Variants in EDEM3 observed in about 807,000 individuals in gnomAD.
EDEM3 encodes the protein ER degradation-enhancing alpha-mannosidase-like protein 3.
EDEM3 carries 60 observed loss-of-function variants against 110.2 expected under a neutral mutation model. That is an observed-to-expected ratio of 0.54 (90% CI 0.44 to 0.67). The LOEUF (loss-of-function observed/expected upper bound fraction) is 0.67. Among genes scored for constraint, EDEM3 ranks in the 30% least tolerant of loss-of-function variants. The probability of loss-of-function intolerance (pLI) is 0.00; values close to 1 mark genes in which losing one functional copy is unlikely to be tolerated. For missense variants in EDEM3, 996 were observed against 1,121.0 expected (o/e 0.89, Z 1.59); for synonymous variants, 352 against 382.9 (o/e 0.92, Z 0.94).
chr1:184,712,626 A>G, intron 13 of EDEM3, 28 bp from the exon 14 acceptor site: 1 of 1,416,934 alleles, frequency 7.1e-7, no homozygotes, highest in South Asian at 1.3e-5. Flanking sequence ...AAATAAATAT[A>G]AGTAGATAAA....
At position 184,692,681 on chromosome 1, in the gene EDEM3, A is replaced by T. The variant is rs1649112751; in HGVS notation, c.*1382T>A. On this transcript the variant is annotated 3_prime_UTR_variant, in exon 20 of 20. Transcript: ENST00000318130. ...TTTAAAAAATAAATAAAATGAATAA[A>T]GCCATGATTTCAACAACAGGGCTGT... is the stretch of plus-strand genomic sequence containing the variant. The T allele has an allele frequency of 1.3e-5, 2 of 151,828 alleles. No individual in the cohort carries two copies. Among genetic ancestry groups the T allele is most frequent in the South Asian group, 4.1e-4 (2 of 4,820 alleles). The allele number at this position is 151,828 out of a possible 1,614,324, so 9.4% of individuals were successfully genotyped here.
chr1:184,691,976 A>T lies in EDEM3; in HGVS notation c.*2087T>A, dbSNP rs1649083145. On this transcript the variant is annotated 3_prime_UTR_variant, in exon 20 of 20. Coordinates refer to ENST00000318130, the MANE Select transcript of EDEM3 (RefSeq NM_025191.4). ...AATGTGTCACACAATCCTTCATGCC[A>T]TTAAGTTCTCCTTGTTGGAAAAGAA... is the stretch of plus-strand genomic sequence containing the variant. 1 of 152,138 alleles carries T rather than the reference A, an allele frequency of 6.6e-6. No individual in the cohort carries two copies. The highest frequency in any genetic ancestry group is 1.5e-5 in the Non-Finnish European group (1 of 68,006). 9.4% of individuals were successfully genotyped at this position (152,138 alleles called of 1,614,324 possible). A position where few individuals can be genotyped will look rare whatever the true frequency, so the allele number is the denominator to read the frequency against.
chr1:184,719,486 C>T lies in EDEM3; in HGVS notation c.1034G>A (p.Arg345Gln), dbSNP rs745829552. ...GGCAAGCAAAGCATCCATCCAAGTC[C>T]GAGCATTCAGCATTGGTTTGTGGAT... ...VHIHKPMLNARTWMDALLAFF... is the reference protein window; with the variant it reads ...VHIHKPMLNAQTWMDALLAFF... The change falls in exon 10 of 20, where the codon CGG becomes CAG. Residue 345 changes from arginine (R) to glutamine (Q), a missense_variant. Physicochemically the swap from Arg to Gln is conservative, Grantham distance 43 (BLOSUM62 1). Coordinates refer to ENST00000318130, the MANE Select transcript of EDEM3 (RefSeq NM_025191.4). The T allele has an allele frequency of 1.1e-5, 17 of 1,613,816 alleles. No individual in the cohort carries two copies. Among genetic ancestry groups the T allele is most frequent in the East Asian group, 2.2e-5 (1 of 44,844 alleles).
At chr1:184,750,805 G>A (rs965353837) in intron 1 of EDEM3, among the ~76,000 whole-genome samples, 1 of 152,064 alleles carries the variant, frequency 6.6e-6, no homozygotes, top group South Asian at 2.1e-4. Context: ...GAGTTACCAC[G>A]CCCGGCCTAT....
intron 12 of EDEM3, 66 bp from the exon 13 acceptor site, chr1:184,717,078 A>G (rs1022795190): frequency 4.4e-6 from 6 of 1,349,546 alleles, no homozygotes; most frequent in African/African-American, 1.5e-5. Flanking sequence ...CCATTCATTT[A>G]CCAAATATTT....
intron 2 of EDEM3, among the ~76,000 whole-genome samples, chr1:184,745,179 T>C (rs1652360800): frequency 2.0e-5 from 3 of 152,144 alleles, no homozygotes; most frequent in African/African-American, 7.2e-5. Flanking sequence ...TAAAATTCTA[T>C]GTAGAGTATC....
rs1649056565 is a variant in EDEM3, at chr1:184,691,383, T to C, written c.*2680A>G. ...ACTTGAAAATACCTGAATTAAATAC[T>C]TGCTCTAATATCTCTTAAAGGATTT... On this transcript the variant is annotated 3_prime_UTR_variant, in exon 20 of 20. Transcript: ENST00000318130. 6.6e-6 allele frequency: 1 copy of C among 152,546 alleles called. No homozygotes were observed. The highest frequency in any genetic ancestry group is 2.4e-5 in the African/African-American group (1 of 41,452). 9.4% of individuals were successfully genotyped at this position (152,546 alleles called of 1,614,324 possible). A position where few individuals can be genotyped will look rare whatever the true frequency, so the allele number is the denominator to read the frequency against.
At chr1:184,709,497 T>C (rs1650109237) in intron 16 of EDEM3, among the ~76,000 whole-genome samples, 1 of 152,220 alleles carries the variant, frequency 6.6e-6, no homozygotes, top group Non-Finnish European at 1.5e-5. Flanking sequence ...AAGAACTTTG[T>C]TTCTGAAATA....
chr1:184,710,680 G>A, intron 15 of EDEM3, 133 bp from the exon 16 acceptor site: 2 of 1,045,658 alleles, frequency 1.9e-6, no homozygotes, highest in South Asian at 1.8e-5. Flanking sequence ...TAACTAGAAA[G>A]TATTTTCTTA....
At position 184,748,921 on chromosome 1, in the gene EDEM3, T is replaced by G. The variant is rs144635762; in HGVS notation, c.204+626A>C. Among the ~76,000 whole-genome samples the G allele has an allele frequency of 1.7e-3, 266 of 152,346 alleles. 2 individuals are homozygous for G. The East Asian group carries it at 0.02, about 11-fold the overall frequency. On this transcript the variant is annotated intron_variant, in intron 2 of 19. Transcript: ENST00000318130. ...TTTCAGGATAATATGCTTAAACTCT[T>G]TTCAAATTACAATTTATGTGCAAAA...
At position 184,690,811 on chromosome 1, in the gene EDEM3, T is replaced by C. The variant is rs558815009; in HGVS notation, c.*3252A>G. The C allele has an allele frequency of 4.2e-4, 64 of 152,694 alleles. No homozygotes were observed. The highest frequency in any genetic ancestry group is 1.9e-4 in the East Asian group (1 of 5,178). 9.5% of individuals were successfully genotyped at this position (152,694 alleles called of 1,614,324 possible). A position where few individuals can be genotyped will look rare whatever the true frequency, so the allele number is the denominator to read the frequency against. ...TTTCATTCACAGAATGTTTTTTTTTTCTATGTTCTGACTGAAGCCTTGTGC... is the reference window on the plus strand; with the variant it reads ...TTTCATTCACAGAATGTTTTTTTTTCCTATGTTCTGACTGAAGCCTTGTGC... On this transcript the variant is annotated 3_prime_UTR_variant, in exon 20 of 20. Coordinates refer to ENST00000318130, the MANE Select transcript of EDEM3 (RefSeq NM_025191.4).
chr1:184,718,358 T>G (rs2102083758), intron 11 of EDEM3, among the ~76,000 whole-genome samples: 1 of 152,172 alleles, frequency 6.6e-6, no homozygotes, highest in South Asian at 2.1e-4. Flanking sequence ...AAATAAAAAT[T>G]TCATTTGTGA....
chr1:184,703,486 CT>C (rs1649742095), intron 18 of EDEM3, among the ~76,000 whole-genome samples: 1 of 152,130 alleles, frequency 6.6e-6, no homozygotes, highest in African/African-American at 2.4e-5. Context: ...ATGGACATTT[CT>C]TTTTTATATA....
chr1:184,745,080 A>C (rs1652354840), intron 2 of EDEM3, among the ~76,000 whole-genome samples: 2 of 152,114 alleles, frequency 1.3e-5, no homozygotes, highest in South Asian at 4.1e-4. Context: ...AATTGTCAAA[A>C]AAGAATTGTG....
Position 184,749,451 on chromosome 1 carries a change from TG to T in EDEM3, c.204+95del, listed in dbSNP as rs1367952913. The T allele has an allele frequency of 1.9e-5, 19 of 979,114 alleles. No homozygotes were observed. The Middle Eastern group carries it at 1.1e-3, about 56-fold the overall frequency. The allele number at this position is 979,114 out of a possible 1,614,324, so 60.7% of individuals were successfully genotyped here. On this transcript the variant is annotated intron_variant, in intron 2 of 19. Transcript: ENST00000318130. Reference sequence around the variant, plus strand: ...TTTTTAAAAACTTCCTTTTAAAAAATGTAATTGTATTGTAGGTTTCAAAATT... The same window carrying T: ...TTTTTAAAAACTTCCTTTTAAAAAATTAATTGTATTGTAGGTTTCAAAATT...
chr1:184,751,520 T>C (rs961493465), intron 1 of EDEM3, among the ~76,000 whole-genome samples: 3 of 152,238 alleles, frequency 2.0e-5, no homozygotes, highest in African/African-American at 7.2e-5. Context: ...ATGCAGCATA[T>C]GATGAGCAAA....
intron 2 of EDEM3, among the ~76,000 whole-genome samples, chr1:184,748,831 T>C (rs958068965): frequency 3.9e-5 from 6 of 152,218 alleles, no homozygotes; most frequent in African/African-American, 1.4e-4. Flanking sequence ...TTTTATACGT[T>C]GTAATCATAG....
intron 5 of EDEM3, among the ~76,000 whole-genome samples, chr1:184,733,751 C>G (rs1446245587): frequency 6.6e-6 from 1 of 151,042 alleles, no homozygotes; most frequent in Non-Finnish European, 1.5e-5. Flanking sequence ...TCACTTGAAC[C>G]AGGGAGTCAG....
rs1177747408 is a variant in EDEM3, at chr1:184,732,997, TCA to T, written c.459-9_459-8del. ...GTGCCCACCCAAAAGACCCCTAGGATCACAGAGATGAAACATTATCCATATCT... is the reference window on the plus strand; with the variant it reads ...GTGCCCACCCAAAAGACCCCTAGGATCAGAGATGAAACATTATCCATATCT... On this transcript the variant is annotated splice_polypyrimidine_tract_variant and splice_region_variant and intron_variant, in intron 5 of 19. Coordinates refer to ENST00000318130, the MANE Select transcript of EDEM3 (RefSeq NM_025191.4). The T allele has an allele frequency of 6.2e-7, 1 of 1,612,394 alleles. No homozygotes were observed. The highest frequency in any genetic ancestry group is 8.5e-7 in the Non-Finnish European group (1 of 1,179,200).
Sources: gnomAD v4.1 joint callset for allele counts (sites outside exome capture counted in the v4.1 genomes callset) on GRCh38, gnomAD v4.1.1 for gene constraint, MANE v1.5 for transcripts, NCBI Gene and HGNC (gene_info 2026-07-23, HGNC 2026-07-21) for gene names.